THRB: variants seen among roughly 807,000 people sequenced by gnomAD.
THRB encodes thyroid hormone receptor beta.
THRB carries 12 observed loss-of-function variants against 47.8 expected under a neutral mutation model. The observed-to-expected ratio is 0.25, with a 90% confidence interval of 0.16 to 0.41. THRB has a LOEUF of 0.41. THRB is among the 10% of genes least tolerant of loss of function. The pLI is 1.00. For synonymous variants in THRB, 218 were observed against 212.2 expected (o/e 1.03, Z -0.24); for missense variants, 348 against 589.2 (o/e 0.59, Z 4.24).
At chr3:24,490,144 G>T (rs188782538) in intron 1 of THRB, among the ~76,000 whole-genome samples, 11 of 152,260 alleles carry the variant, frequency 7.2e-5, no homozygotes, top group African/African-American at 2.2e-4. Flanking sequence ...AGGTCACTGG[G>T]CTGCATGCTG....
At chr3:24,479,195 G>A (rs905324819) in intron 1 of THRB, among the ~76,000 whole-genome samples, 4 of 152,156 alleles carry the variant, frequency 2.6e-5, no homozygotes, top group Non-Finnish European at 4.4e-5. Context: ...CCAGCTACTC[G>A]GGAGGCTGAG....
intron 3 of THRB, among the ~76,000 whole-genome samples, chr3:24,248,317 A>G (rs564168255): frequency 6.6e-6 from 1 of 152,238 alleles, no homozygotes; most frequent in African/African-American, 2.4e-5. Context: ...GGGACTACAA[A>G]TGAATACTCC....
chr3:24,419,423 G>C (rs755773246), intron 1 of THRB, among the ~76,000 whole-genome samples: 8 of 151,874 alleles, frequency 5.3e-5, no homozygotes, highest in Middle Eastern at 3.4e-3. Flanking sequence ...TCTCCAGATG[G>C]AAAGCCAATC....
chr3:24,383,699 G>T (rs1395206505), intron 1 of THRB, among the ~76,000 whole-genome samples: 1 of 152,042 alleles, frequency 6.6e-6, no homozygotes, highest in Non-Finnish European at 1.5e-5. Flanking sequence ...AGTATAAATA[G>T]ATCTTCTAAT....
intron 1 of THRB, among the ~76,000 whole-genome samples, chr3:24,371,090 C>T (rs2064870394): frequency 1.3e-5 from 2 of 152,240 alleles, no homozygotes; most frequent in East Asian, 1.9e-4. Context: ...ATCTCCAAGA[C>T]AGTTCTGATT....
intron 1 of THRB, among the ~76,000 whole-genome samples, chr3:24,429,269 CAT>C (rs1224068289): frequency 6.7e-6 from 1 of 149,676 alleles, no homozygotes. Flanking sequence ...ATTACATATA[CAT>C]ATATATCAAT....
rs577454499 is a variant in THRB, at chr3:24,490,578, T to C, written c.-261+4074A>G. Among the ~76,000 whole-genome samples the C allele has an allele frequency of 4.9e-4, 74 of 152,104 alleles. 2 individuals are homozygous for C. In the South Asian group the frequency reaches 0.015, roughly 31 times the overall value. On this transcript the variant is annotated intron_variant, in intron 1 of 10. Transcript: ENST00000646209. ...CACAACTTAGAGGTGGGAACAGAAA[T>C]GGAAACAAACTGCCCTGCAGGGTGA...
At chr3:24,474,589 G>C (rs977258060) in intron 1 of THRB, among the ~76,000 whole-genome samples, 1 of 152,170 alleles carries the variant, frequency 6.6e-6, no homozygotes, top group African/African-American at 2.4e-5. Flanking sequence ...CTACTGTTCT[G>C]GTTCAGGTTT....
Position 24,413,369 on chromosome 3 carries a change from C to A in THRB, c.-260-75998G>T, listed in dbSNP as rs963646700. ...CCCAAAAATATGTCCACATTCTAATCCTCTTCAAAGAATTCTATATGGTAA... is the reference window on the plus strand; with the variant it reads ...CCCAAAAATATGTCCACATTCTAATACTCTTCAAAGAATTCTATATGGTAA... On this transcript the variant is annotated intron_variant, in intron 1 of 10. Transcript: ENST00000646209. Among the ~76,000 whole-genome samples, 4 of 151,602 alleles carry A rather than the reference C, an allele frequency of 2.6e-5. No individual in the cohort carries two copies. In the South Asian group the frequency reaches 8.3e-4, roughly 32 times the overall value.
intron 2 of THRB, among the ~76,000 whole-genome samples, chr3:24,299,790 T>TTA (rs2056795832): frequency 1.1e-5 from 1 of 89,500 alleles, no homozygotes. Flanking sequence ...TATTTATTTA[T>TTA]TTTTTTTTTT....
intron 3 of THRB, among the ~76,000 whole-genome samples, chr3:24,247,317 T>C (rs1405891899): frequency 6.6e-6 from 1 of 152,230 alleles, no homozygotes; most frequent in Non-Finnish European, 1.5e-5. Context: ...CTAACATTTG[T>C]TGAGTGCTTG....
chr3:24,397,531 T>G (rs1474592767), intron 1 of THRB, among the ~76,000 whole-genome samples: 1 of 152,096 alleles, frequency 6.6e-6, no homozygotes, highest in Non-Finnish European at 1.5e-5. Flanking sequence ...AGAGTAATTT[T>G]TATTAGCATT....
intron 1 of THRB, among the ~76,000 whole-genome samples, chr3:24,351,198 G>A (rs1326576521): frequency 6.6e-6 from 1 of 151,852 alleles, no homozygotes; most frequent in Admixed American, 6.6e-5. Flanking sequence ...CTAAATTTGT[G>A]TATACCCTTA....
chr3:24,303,420 G>A (rs2057101001), intron 2 of THRB, among the ~76,000 whole-genome samples: 2 of 152,142 alleles, frequency 1.3e-5, no homozygotes, highest in African/African-American at 2.4e-5. Context: ...AATATGTTGT[G>A]GAGTTTTTCC....
At chr3:24,184,214 T>C (rs1397173101) in intron 5 of THRB, among the ~76,000 whole-genome samples, 2 of 152,248 alleles carry the variant, frequency 1.3e-5, no homozygotes, top group Non-Finnish European at 2.9e-5. Flanking sequence ...CCACAATTTA[T>C]TGGAACATTC....
chr3:24,190,132 C>T lies in THRB; in HGVS notation c.225G>A (p.Val75=). The T allele has an allele frequency of 6.2e-7, 1 of 1,614,070 alleles. No homozygotes were observed. The highest frequency in any genetic ancestry group is 8.5e-7 in the Non-Finnish European group (1 of 1,179,944). Reference sequence around the variant, plus strand: ...GGGCACTTGAGACACTCTGGTCGTTCACATCATCATGGTCCAGATGGAATA... The same window carrying T: ...GGGCACTTGAGACACTCTGGTCGTTTACATCATCATGGTCCAGATGGAATA... ...SSIFHLDHDD[V]NDQSVSSAQT... Residue 75 remains valine (V), a synonymous_variant, in exon 5 of 11, where the codon GTG becomes GTA. Coordinates refer to ENST00000646209, the MANE Select transcript of THRB (RefSeq NM_001354712.2).
chr3:24,248,385 C>T (rs1468410935), intron 3 of THRB, among the ~76,000 whole-genome samples: 1 of 152,006 alleles, frequency 6.6e-6, no homozygotes, highest in Non-Finnish European at 1.5e-5. Context: ...AAATTTAGGA[C>T]ATCAGTAGTT....
At chr3:24,329,591 C>T (rs888593817) in intron 2 of THRB, among the ~76,000 whole-genome samples, 2 of 152,210 alleles carry the variant, frequency 1.3e-5, no homozygotes, top group Non-Finnish European at 2.9e-5. Context: ...CAGTGGGCAC[C>T]ATTTACACAG....
intron 2 of THRB, among the ~76,000 whole-genome samples, chr3:24,334,254 T>C (rs2062099030): frequency 1.3e-5 from 2 of 152,176 alleles, no homozygotes. Context: ...AATTCACAAG[T>C]AGCCTGTTTG....
Sources: allele counts gnomAD v4.1 joint callset (sites outside exome capture counted in the v4.1 genomes callset), GRCh38; gene constraint gnomAD v4.1.1; transcripts MANE v1.5; gene names NCBI Gene and HGNC (gene_info 2026-07-23, HGNC 2026-07-21).